ANKS1B: variants seen among roughly 807,000 people sequenced by gnomAD.
ANKS1B encodes ankyrin repeat and sterile alpha motif domain-containing protein 1B.
A neutral mutation model predicts 148.3 loss-of-function variants in ANKS1B; 36 were observed. That is an observed-to-expected ratio of 0.24 (90% confidence interval 0.19 to 0.32). ANKS1B has a LOEUF of 0.32. ANKS1B is among the 10% of genes least tolerant of loss of function. ANKS1B has a pLI of 1.00. For synonymous variants in ANKS1B, 542 were observed against 560.8 expected (o/e 0.97, Z 0.47); for missense variants, 1,157 against 1,542.6 (o/e 0.75, Z 4.19).
At chr12:99,422,589 G>A (rs563335292) in intron 11 of ANKS1B, among the ~76,000 whole-genome samples, 10 of 152,114 alleles carry the variant, frequency 6.6e-5, no homozygotes, top group South Asian at 2.1e-4. Context: ...ATGAAATGCC[G>A]TAATCCTGAT....
chr12:99,696,990 A>G (rs1397453584), intron 8 of ANKS1B, among the ~76,000 whole-genome samples: 2 of 152,342 alleles, frequency 1.3e-5, no homozygotes, highest in African/African-American at 2.4e-5. Context: ...TGCGAATACC[A>G]TATGTCACTA....
intron 17 of ANKS1B, among the ~76,000 whole-genome samples, chr12:98,890,521 A>C (rs2099750262): frequency 6.6e-6 from 1 of 152,188 alleles, no homozygotes; most frequent in Non-Finnish European, 1.5e-5. Flanking sequence ...TTACAGTTAC[A>C]TTTTATATTT....
chr12:99,357,928 A>G (rs551418360), intron 12 of ANKS1B, among the ~76,000 whole-genome samples: 20 of 152,194 alleles, frequency 1.3e-4, no homozygotes, highest in African/African-American at 4.6e-4. Context: ...TTCATAACAT[A>G]TTGCATTATA....
At chr12:99,172,600 A>G (rs897322956) in intron 14 of ANKS1B, among the ~76,000 whole-genome samples, 1 of 152,214 alleles carries the variant, frequency 6.6e-6, no homozygotes, top group Admixed American at 6.5e-5. Context: ...CAGAAGTCAG[A>G]CATGAGAGGA....
At chr12:99,768,224 A>T (rs1013862622) in intron 8 of ANKS1B, among the ~76,000 whole-genome samples, 1 of 152,196 alleles carries the variant, frequency 6.6e-6, no homozygotes, top group Non-Finnish European at 1.5e-5. Context: ...TATCCTATGA[A>T]ATTAAATTTT....
rs938463264 is a variant in ANKS1B, at chr12:99,489,853, T to C, written c.1438+14623A>G. Among the ~76,000 whole-genome samples, 12 of 152,190 alleles carry C rather than the reference T, an allele frequency of 7.9e-5. No individual in the cohort carries two copies. In the South Asian group the frequency reaches 8.3e-4, roughly 11 times the overall value. On this transcript the variant is annotated intron_variant, in intron 10 of 26. Transcript: ENST00000683438. Reference sequence around the variant, plus strand: ...CACTAGATGATTATTTGGTAATAAATTGAATGGTTCTATGGAAATGAAAAG... The same window carrying C: ...CACTAGATGATTATTTGGTAATAAACTGAATGGTTCTATGGAAATGAAAAG...
chr12:99,619,742 T>C (rs898116883), intron 9 of ANKS1B, among the ~76,000 whole-genome samples: 1 of 152,166 alleles, frequency 6.6e-6, no homozygotes, highest in Admixed American at 6.5e-5. Context: ...TAGGCTGCCC[T>C]CATCCCCCTG....
At chr12:99,898,642 G>C (rs2093474518) in intron 1 of ANKS1B, among the ~76,000 whole-genome samples, 1 of 152,028 alleles carries the variant, frequency 6.6e-6, no homozygotes, top group Non-Finnish European at 1.5e-5. Context: ...TCTGTAATTT[G>C]CTACATATAA....
chr12:99,478,173 G>T (rs1298512695), intron 10 of ANKS1B, among the ~76,000 whole-genome samples: 1 of 152,132 alleles, frequency 6.6e-6, no homozygotes, highest in Non-Finnish European at 1.5e-5. Context: ...AAATATTGCA[G>T]CTTAAGCTTC....
chr12:99,366,022 G>T (rs2092746114), intron 12 of ANKS1B, among the ~76,000 whole-genome samples: 1 of 152,200 alleles, frequency 6.6e-6, no homozygotes, highest in Non-Finnish European at 1.5e-5. Context: ...CACTGGACCT[G>T]GATCTATTTG....
At chr12:99,575,278 A>G (rs781627194) in intron 9 of ANKS1B, among the ~76,000 whole-genome samples, 3 of 152,092 alleles carry the variant, frequency 2.0e-5, no homozygotes, top group Non-Finnish European at 2.9e-5. Context: ...AGAATTTCGT[A>G]TCCATACAAA....
intron 26 of ANKS1B, among the ~76,000 whole-genome samples, chr12:98,750,328 C>T (rs967130077): frequency 2.6e-5 from 4 of 151,996 alleles, no homozygotes; most frequent in South Asian, 2.1e-4. Flanking sequence ...GGAAAGATCC[C>T]GAAAGTAAAC....
intron 15 of ANKS1B, among the ~76,000 whole-genome samples, chr12:99,125,772 T>C (rs2064148502): frequency 6.6e-6 from 1 of 152,124 alleles, no homozygotes; most frequent in Non-Finnish European, 1.5e-5. Flanking sequence ...AACAGATTCC[T>C]AACAGGTAGC....
intron 14 of ANKS1B, among the ~76,000 whole-genome samples, chr12:99,214,590 C>T (rs759515855): frequency 2.6e-5 from 4 of 152,108 alleles, no homozygotes; most frequent in South Asian, 4.1e-4. Context: ...CCTCCTGTGG[C>T]GTGTGGAACT....
intron 9 of ANKS1B, among the ~76,000 whole-genome samples, chr12:99,587,490 T>C (rs1253166836): frequency 1.3e-5 from 2 of 152,216 alleles, no homozygotes; most frequent in Admixed American, 6.5e-5. Flanking sequence ...ATCTCTAACC[T>C]CTGTATAGAA....
chr12:99,503,330 A>C (rs948137232), intron 10 of ANKS1B, among the ~76,000 whole-genome samples: 4 of 152,280 alleles, frequency 2.6e-5, no homozygotes, highest in Non-Finnish European at 5.9e-5. Flanking sequence ...CTTTTATCTT[A>C]CCCAGAAATT....
At position 99,806,596 on chromosome 12, in the gene ANKS1B, G is replaced by A; in HGVS notation, c.477C>T (p.Ser159=). The change falls in exon 4 of 27, where the codon AGC becomes AGT. Residue 159 remains serine, a synonymous_variant. Coordinates refer to ENST00000683438, the MANE Select transcript of ANKS1B (RefSeq NM_001352186.2). ...EELTDPTIRN[S]KLETPLDLAA... ...CCAAGTCCAAAGGTGTTTCCAGCTT[G>A]CTATTTCTAATTGTCGGGTCAGTGA... The A allele has an allele frequency of 6.2e-7, 1 of 1,613,954 alleles. No homozygotes were observed. The highest frequency in any genetic ancestry group is 8.5e-7 in the Non-Finnish European group (1 of 1,179,882).
intron 15 of ANKS1B, among the ~76,000 whole-genome samples, chr12:99,123,862 C>T (rs2063585654): frequency 6.6e-6 from 1 of 152,172 alleles, no homozygotes; most frequent in Non-Finnish European, 1.5e-5. Flanking sequence ...TCCCAACCCA[C>T]TGACTTTGGC....
At chr12:99,064,956 T>C (rs1490271526) in intron 16 of ANKS1B, among the ~76,000 whole-genome samples, 1 of 152,212 alleles carries the variant, frequency 6.6e-6, no homozygotes, top group Admixed American at 6.5e-5. Context: ...TTGTTAAACA[T>C]CGTTATTTGT....
Sources: allele counts gnomAD v4.1 joint callset (sites outside exome capture counted in the v4.1 genomes callset), GRCh38; gene constraint gnomAD v4.1.1; transcripts MANE v1.5; gene names NCBI Gene and HGNC (gene_info 2026-07-23, HGNC 2026-07-21).